The following RTN4RL1 variants were observed in gnomAD, a reference collection of about 807,000 sequenced individuals.
The protein encoded by RTN4RL1 is reticulon-4 receptor-like 1.
A neutral mutation model predicts 25.6 loss-of-function variants in RTN4RL1; 7 were observed. The observed-to-expected ratio is 0.27, with a 90% confidence interval of 0.16 to 0.51. The LOEUF is 0.51. Among genes scored for constraint, RTN4RL1 ranks in the 20% least tolerant of loss-of-function variants. The probability of loss-of-function intolerance (pLI) is 0.97; values close to 1 mark genes in which losing one functional copy is unlikely to be tolerated. For synonymous variants in RTN4RL1, 297 were observed against 288.2 expected, an observed-to-expected ratio of 1.03 and a Z score of -0.31; for missense variants, 500 against 615.6, an observed-to-expected ratio of 0.81 and a Z score of 1.99.
chr17:1,938,491 G>A (rs572945970), intron 1 of RTN4RL1, among the ~76,000 whole-genome samples: 2 of 151,342 alleles, frequency 1.3e-5, no homozygotes, highest in Admixed American at 6.6e-5. Context: ...TAGTAGAGAC[G>A]GGGTTTCTCC....
intron 1 of RTN4RL1, among the ~76,000 whole-genome samples, chr17:1,952,701 A>G (rs2151307716): frequency 6.6e-6 from 1 of 151,696 alleles, no homozygotes; most frequent in South Asian, 2.1e-4. Flanking sequence ...CTTGGCAATC[A>G]GGATCCAAAT....
chr17:1,989,448 C>A (rs1032836099), intron 1 of RTN4RL1, among the ~76,000 whole-genome samples: 2 of 151,954 alleles, frequency 1.3e-5, no homozygotes, highest in Admixed American at 6.6e-5. Context: ...GGCTCTACTG[C>A]GAGCACGCTG....
intron 1 of RTN4RL1, among the ~76,000 whole-genome samples, chr17:1,953,172 C>T (rs1915720907): frequency 6.6e-6 from 1 of 152,060 alleles, no homozygotes; most frequent in Admixed American, 6.6e-5. Context: ...CTTTGGGCGG[C>T]AAAGATGGGA....
intron 1 of RTN4RL1, among the ~76,000 whole-genome samples, chr17:2,011,922 G>T (rs949505858): frequency 6.6e-6 from 1 of 152,112 alleles, no homozygotes; most frequent in Non-Finnish European, 1.5e-5. Flanking sequence ...GCCCCTCCTC[G>T]CTTGGGGAGA....
At chr17:1,996,803 T>C (rs2066931361) in intron 1 of RTN4RL1, among the ~76,000 whole-genome samples, 1 of 152,216 alleles carries the variant, frequency 6.6e-6, no homozygotes, top group African/African-American at 2.4e-5. Context: ...CTTCCTGGGC[T>C]GCCCACTGTG....
At chr17:2,005,511 T>C (rs2066986678) in intron 1 of RTN4RL1, among the ~76,000 whole-genome samples, 1 of 152,206 alleles carries the variant, frequency 6.6e-6, no homozygotes, top group East Asian at 1.9e-4. Context: ...TACCAAGCCC[T>C]TTCCTCTGAT....
intron 1 of RTN4RL1, among the ~76,000 whole-genome samples, chr17:1,938,883 T>A (rs946708822): frequency 7.9e-5 from 12 of 151,382 alleles, no homozygotes; most frequent in Admixed American, 4.0e-4. Context: ...AAACCCTGTC[T>A]CTACTAAAAA....
chr17:1,991,342 G>A (rs529660822), intron 1 of RTN4RL1, among the ~76,000 whole-genome samples: 1 of 151,114 alleles, frequency 6.6e-6, no homozygotes, highest in Non-Finnish European at 1.5e-5. Context: ...GGCTGGAAAC[G>A]GAAGAAAAGG....
At chr17:1,957,856 C>G (rs968961306) in intron 1 of RTN4RL1, among the ~76,000 whole-genome samples, 1 of 119,962 alleles carries the variant, frequency 8.3e-6, no homozygotes, top group African/African-American at 3.0e-5. Flanking sequence ...ACAACAACAA[C>G]AAAACAAACA....
At chr17:1,976,967 C>A (rs76705203) in intron 1 of RTN4RL1, among the ~76,000 whole-genome samples, 10,387 of 152,240 alleles carry the variant, frequency 0.068, 464 homozygotes, top group Non-Finnish European at 0.1. Flanking sequence ...TAGTGCCTGG[C>A]TCGGAGTAAG....
At chr17:1,961,472 G>A (rs1250957682) in intron 1 of RTN4RL1, among the ~76,000 whole-genome samples, 1 of 152,112 alleles carries the variant, frequency 6.6e-6, no homozygotes. Context: ...GCATTCACTG[G>A]CCTCCCACAG....
chr17:1,961,885 T>C (rs1280435675), intron 1 of RTN4RL1, among the ~76,000 whole-genome samples: 3 of 135,846 alleles, frequency 2.2e-5, no homozygotes, highest in African/African-American at 5.7e-5. Flanking sequence ...GAGGTGGAGG[T>C]TGCAGTGAGC....
chr17:1,971,720 T>TG (rs2066819882), intron 1 of RTN4RL1, among the ~76,000 whole-genome samples: 1 of 152,020 alleles, frequency 6.6e-6, no homozygotes, highest in East Asian at 1.9e-4. Flanking sequence ...CCCAGCACTT[T>TG]GGGGGGCAGA....
At chr17:1,976,003 T>C (rs1475065437) in intron 1 of RTN4RL1, among the ~76,000 whole-genome samples, 2 of 152,224 alleles carry the variant, frequency 1.3e-5, no homozygotes, top group Admixed American at 1.3e-4. Flanking sequence ...GGCAATTTTC[T>C]TGAACTCTAT....
intron 1 of RTN4RL1, among the ~76,000 whole-genome samples, chr17:1,952,331 G>GTTTTTT (rs1213295319): frequency 3.4e-4 from 34 of 99,824 alleles, no homozygotes; most frequent in Middle Eastern, 6.1e-3. Flanking sequence ...AAGGGAGGTT[G>GTTTTTT]GTTTTTTTTT....
chr17:2,004,586 A>G (rs1447875071), intron 1 of RTN4RL1, among the ~76,000 whole-genome samples: 1 of 151,988 alleles, frequency 6.6e-6, no homozygotes, highest in Non-Finnish European at 1.5e-5. Flanking sequence ...CTTCACCCTT[A>G]TCTCACTTTT....
chr17:1,957,869 C>G (rs980726772), intron 1 of RTN4RL1, among the ~76,000 whole-genome samples: 35 of 118,152 alleles, frequency 3.0e-4, no homozygotes, highest in Admixed American at 1.5e-3. Context: ...AACAAACAAA[C>G]AAACGAACAA....
chr17:1,954,948 A>G (rs1045914598), intron 1 of RTN4RL1, among the ~76,000 whole-genome samples: 1 of 152,220 alleles, frequency 6.6e-6, no homozygotes, highest in African/African-American at 2.4e-5. Flanking sequence ...AGCCATTTCC[A>G]GCCTCAGCTC....
chr17:1,964,596 G>C (rs555251166), intron 1 of RTN4RL1, among the ~76,000 whole-genome samples: 5 of 151,902 alleles, frequency 3.3e-5, no homozygotes, highest in Non-Finnish European at 7.4e-5. Flanking sequence ...GCCGGGCGTG[G>C]TGGCGGGCGC....
Sources: gnomAD v4.1 joint callset for allele counts (sites outside exome capture counted in the v4.1 genomes callset) on GRCh38, gnomAD v4.1.1 for gene constraint, MANE v1.5 for transcripts, NCBI Gene and HGNC (gene_info 2026-07-23, HGNC 2026-07-21) for gene names.